CD84: variants seen among roughly 807,000 people sequenced by gnomAD.
The protein encoded by CD84 is SLAM family member 5.
A neutral mutation model predicts 33.8 loss-of-function variants in CD84; 22 were observed. That is an observed-to-expected ratio of 0.65 (90% CI 0.46 to 0.93). The LOEUF (loss-of-function observed/expected upper bound fraction) is 0.93. Ranked by LOEUF, CD84 falls within the 40% of genes least tolerant of loss-of-function variation. The pLI is 0.00. For synonymous variants in CD84, 154 were observed against 145.2 expected (o/e 1.06, Z -0.44); for missense variants, 400 against 397.6 (o/e 1.01, Z -0.05).
At chr1:160,556,724 C>T (rs533092483) in intron 2 of CD84, among the ~76,000 whole-genome samples, 1 of 152,334 alleles carries the variant, frequency 6.6e-6, no homozygotes, top group East Asian at 1.9e-4. Flanking sequence ...TCCCAGCTAA[C>T]TACCCATAAG....
intron 1 of CD84, among the ~76,000 whole-genome samples, chr1:160,572,726 C>A (rs114047288): frequency 9.9e-5 from 15 of 152,218 alleles, no homozygotes; most frequent in South Asian, 6.2e-4. Flanking sequence ...GATTTCGTGA[C>A]CTTCTTATGC....
chr1:160,559,878 C>A (rs1362467039), intron 2 of CD84, among the ~76,000 whole-genome samples: 2 of 151,926 alleles, frequency 1.3e-5, no homozygotes, highest in African/African-American at 4.8e-5. Context: ...TAAAAAAAGA[C>A]AAAGAAGGAC....
intron 1 of CD84, 70 bp from the exon 2 acceptor site, chr1:160,565,815 C>G (rs1342377021): frequency 8.1e-6 from 11 of 1,352,890 alleles, no homozygotes; most frequent in Middle Eastern, 2.0e-4. Flanking sequence ...TCTTTTTGGC[C>G]TTGGAGCTCC....
intron 2 of CD84, among the ~76,000 whole-genome samples, chr1:160,557,928 T>G (rs1279238446): frequency 6.6e-6 from 1 of 152,168 alleles, no homozygotes; most frequent in African/African-American, 2.4e-5. Context: ...GGGACCTCCC[T>G]GCAGGGGCTT....
intron 6 of CD84, among the ~76,000 whole-genome samples, chr1:160,548,792 G>A (rs907318893): frequency 1.3e-5 from 2 of 152,090 alleles, no homozygotes; most frequent in African/African-American, 2.4e-5. Flanking sequence ...GGAGTCTTAG[G>A]TTTTCAATTA....
At position 160,550,939 on chromosome 1, in the gene CD84, T is replaced by C. The variant is rs200118969; in HGVS notation, c.857A>G (p.Lys286Arg). The change falls in exon 5 of 7, where the codon AAG becomes AGG. Residue 286 changes from lysine to arginine, a missense_variant and splice_region_variant. Transcript: ENST00000368054. ...SRIYDEILQS[K>R]VLPSKEEPVN... is the part of the protein sequence containing the mutation. Reference sequence around the variant, plus strand: ...TGTCCATGAATTGCATCAGCTCACCTTGGACTGCAGGATTTCATCATAGAT... The same window carrying C: ...TGTCCATGAATTGCATCAGCTCACCCTGGACTGCAGGATTTCATCATAGAT... 2 of 1,613,336 alleles carry C rather than the reference T, an allele frequency of 1.2e-6. No homozygotes were observed. The highest frequency in any genetic ancestry group is 4.5e-5 in the East Asian group (2 of 44,880).
chr1:160,566,854 T>C (rs1403543781), intron 1 of CD84, among the ~76,000 whole-genome samples: 1 of 152,200 alleles, frequency 6.6e-6, no homozygotes, highest in African/African-American at 2.4e-5. Context: ...TCTCCTCCCT[T>C]TTCTCTCCTC....
At chr1:160,550,499 G>A (rs1468993914) in intron 5 of CD84, 3 of 410,820 alleles carry the variant, frequency 7.3e-6, no homozygotes, top group Admixed American at 6.4e-5. Context: ...AAAGCAAGCC[G>A]CTGCTGCTAG....
At position 160,545,578 on chromosome 1, in the gene CD84, A is replaced by C. The variant is rs1655784598; in HGVS notation, c.*2678T>G. ...AACTCTGAAAGTCTTCTCCCTCCAAAGTGCCTTTACACTAGGAACAGCCTC... is the reference window on the plus strand; with the variant it reads ...AACTCTGAAAGTCTTCTCCCTCCAACGTGCCTTTACACTAGGAACAGCCTC... On this transcript the variant is annotated 3_prime_UTR_variant, in exon 7 of 7. Transcript: ENST00000368054. 6.6e-6 allele frequency: 1 copy of C among 152,104 alleles called. No individual in the cohort carries two copies. The highest frequency in any genetic ancestry group is 6.5e-5 in the Admixed American group (1 of 15,278). The allele number at this position is 152,104 out of a possible 1,614,324, so 9.4% of individuals were successfully genotyped here.
At position 160,541,451 on chromosome 1, in the gene CD84, A is replaced by C. The variant is rs2102096977; in HGVS notation, c.*6805T>G. On this transcript the variant is annotated 3_prime_UTR_variant, in exon 7 of 7. Coordinates refer to ENST00000368054, the MANE Select transcript of CD84 (RefSeq NM_003874.4). ...TTAGCCAGTTGGAGAGAGAGCTAAG[A>C]AATACCATATCTATATAATTATCAG... 6.6e-6 allele frequency: 1 copy of C among 152,252 alleles called. No individual in the cohort carries two copies. The highest frequency in any genetic ancestry group is 1.9e-4 in the East Asian group (1 of 5,204). 9.4% of individuals were successfully genotyped at this position (152,252 alleles called of 1,614,324 possible). A position where few individuals can be genotyped will look rare whatever the true frequency, so the allele number is the denominator to read the frequency against.
rs1404664054 is a variant in CD84 at position 160,541,431 on chromosome 1, C to T, written c.*6825G>A. 1.3e-5 allele frequency: 2 copies of T among 152,154 alleles called. No individual in the cohort carries two copies. Among genetic ancestry groups the T allele is most frequent in the Non-Finnish European group, 2.9e-5 (2 of 68,030 alleles). 9.4% of individuals were successfully genotyped at this position (152,154 alleles called of 1,614,324 possible). ...CTCAGACAAAAAGCAACTTATTAGC[C>T]AGTTGGAGAGAGAGCTAAGAAATAC... On this transcript the variant is annotated 3_prime_UTR_variant, in exon 7 of 7. Coordinates refer to ENST00000368054, the MANE Select transcript of CD84 (RefSeq NM_003874.4).
At chr1:160,559,323 T>C (rs779836207) in intron 2 of CD84, among the ~76,000 whole-genome samples, 28 of 152,178 alleles carry the variant, frequency 1.8e-4, no homozygotes, top group Non-Finnish European at 4.0e-4. Flanking sequence ...TGGGGGCCAA[T>C]AGTCAACATT....
chr1:160,572,578 G>A (rs542477911), intron 1 of CD84, among the ~76,000 whole-genome samples: 1 of 147,672 alleles, frequency 6.8e-6, no homozygotes, highest in South Asian at 2.2e-4. Context: ...GTAAAAATTG[G>A]GGGGGGGAAT....
chr1:160,561,309 T>C (rs1301975885), intron 2 of CD84, among the ~76,000 whole-genome samples: 1 of 152,168 alleles, frequency 6.6e-6, no homozygotes, highest in African/African-American at 2.4e-5. Context: ...TCATAAAGCT[T>C]ATCCACCACG....
intron 2 of CD84, among the ~76,000 whole-genome samples, chr1:160,561,237 C>T (rs1456493778): frequency 6.6e-6 from 1 of 152,158 alleles, no homozygotes; most frequent in East Asian, 1.9e-4. Flanking sequence ...GGCCAATATC[C>T]TTAATGAACA....
chr1:160,550,685 GGAGC>G (rs1407953349), intron 5 of CD84: 2 of 985,240 alleles, frequency 2.0e-6, no homozygotes, highest in African/African-American at 3.5e-5. Flanking sequence ...CATCTAACCT[GGAGC>G]CGGGCCCACT....
At chr1:160,549,079 C>T (rs1375864627) in intron 6 of CD84, among the ~76,000 whole-genome samples, 1 of 152,050 alleles carries the variant, frequency 6.6e-6, no homozygotes, top group Non-Finnish European at 1.5e-5. Context: ...AAGTAAATGT[C>T]CCTCTATCTG....
At position 160,579,449 on chromosome 1, in the gene CD84, T is replaced by C; in HGVS notation, c.-12A>G. ...TGGTGCTGAGCCATCTCTTTCAGGG[T>C]CTAACCTTCTGTGGAAAAGCACGGC... On this transcript the variant is annotated 5_prime_UTR_variant, in exon 1 of 7. Transcript: ENST00000368054. The C allele has an allele frequency of 6.2e-7, 1 of 1,612,846 alleles. No homozygotes were observed. Among genetic ancestry groups the C allele is most frequent in the Non-Finnish European group, 8.5e-7 (1 of 1,179,238 alleles).
At chr1:160,572,213 G>A (rs899315613) in intron 1 of CD84, among the ~76,000 whole-genome samples, 2 of 152,068 alleles carry the variant, frequency 1.3e-5, no homozygotes, top group Non-Finnish European at 2.9e-5. Context: ...TTGTTTTGAG[G>A]ACACATAGAA....
Sources: allele counts gnomAD v4.1 joint callset (sites outside exome capture counted in the v4.1 genomes callset), GRCh38; gene constraint gnomAD v4.1.1; transcripts MANE v1.5; gene names NCBI Gene and HGNC (gene_info 2026-07-23, HGNC 2026-07-21).